TULP4: variants seen among roughly 807,000 people sequenced by gnomAD.
The protein encoded by TULP4 is TUB like protein 4, also known as tubby-related protein 4.
In TULP4, 16 loss-of-function variants were observed where a neutral mutation model predicts 129.0. The ratio of observed to expected loss-of-function variants is 0.12; its 90% CI spans 0.08 to 0.19. The LOEUF is 0.19. TULP4 is among the 10% of genes least tolerant of loss of function. TULP4 has a pLI of 1.00. For missense variants in TULP4, 1,842 were observed against 2,059.1 expected (o/e 0.89, Z 2.04); for synonymous variants, 998 against 854.0 (o/e 1.17, Z -2.94).
intron 1 of TULP4, among the ~76,000 whole-genome samples, chr6:158,354,266 A>G (rs571232055): frequency 3.3e-5 from 5 of 152,354 alleles, no homozygotes; most frequent in Admixed American, 3.3e-4. Flanking sequence ...TAATAAGGAT[A>G]GAAGCTAATA....
intron 3 of TULP4, among the ~76,000 whole-genome samples, chr6:158,443,934 T>G (rs1292176903): frequency 2.6e-5 from 4 of 152,014 alleles, no homozygotes; most frequent in Admixed American, 2.6e-4. Flanking sequence ...TTAAAAAATT[T>G]TTTGGCCGGG....
chr6:158,266,304 C>T (rs112368086), intron 1 of TULP4, among the ~76,000 whole-genome samples: 1,601 of 152,198 alleles, frequency 0.011, 27 homozygotes, highest in African/African-American at 0.036. Context: ...TTATCCAGGC[C>T]GGAGGGCGGT....
In TULP4 at chr6:158,506,445, G is replaced by A. The variant is rs1345427014; in HGVS notation, c.4516-133G>A. The stretch of plus-strand genomic sequence containing the variant: ...ACGGGGTTTCACCGTGTTAGCCAGG[G>A]TGGTCTCTATCTCCTGACGTCGTGA... On this transcript the variant is annotated intron_variant, in intron 13 of 13. Transcript: ENST00000367097. 1.2e-4 allele frequency: 83 copies of A among 714,760 alleles called. 1 individual carries two copies. Among genetic ancestry groups the A allele is most frequent in the Middle Eastern group, 3.2e-4 (1 of 3,154 alleles). The allele number at this position is 714,760 out of a possible 1,614,324, so 44.3% of individuals were successfully genotyped here. A position where few individuals can be genotyped will look rare whatever the true frequency, so the allele number is the denominator to read the frequency against.
intron 11 of TULP4, among the ~76,000 whole-genome samples, chr6:158,495,800 A>T (rs1393831766): frequency 6.6e-6 from 1 of 151,928 alleles, no homozygotes; most frequent in African/African-American, 2.4e-5. Context: ...AGATCACGCC[A>T]CTGCACTCCA....
In TULP4 at chr6:158,313,993, G is replaced by A. The variant is rs1178745920; in HGVS notation, c.-24G>A. 1 of 1,605,946 alleles carries A rather than the reference G, an allele frequency of 6.2e-7. No homozygotes were observed. The highest frequency in any genetic ancestry group is 2.2e-5 in the East Asian group (1 of 44,684). ...TCACAGCATTAACATTACTTTTTAA[G>A]TAAAACAGTTCATTGAAGAAAGTAT... On this transcript the variant is annotated 5_prime_UTR_variant, in exon 1 of 14. Coordinates refer to ENST00000367097, the MANE Select transcript of TULP4 (RefSeq NM_020245.5).
chr6:158,356,270 TA>T (rs1395962013), intron 1 of TULP4, among the ~76,000 whole-genome samples: 1 of 152,082 alleles, frequency 6.6e-6, no homozygotes, highest in Non-Finnish European at 1.5e-5. Flanking sequence ...GAAAGTGGCC[TA>T]GGGGGTCCCA....
chr6:158,271,149 CAAAAA>C (rs1220844247), intron 1 of TULP4, among the ~76,000 whole-genome samples: 1 of 78,984 alleles, frequency 1.3e-5, no homozygotes. Flanking sequence ...GACTCTGTCT[CAAAAA>C]AAAAAAAAAA....
At chr6:158,394,844 A>G (rs905576999) in intron 1 of TULP4, among the ~76,000 whole-genome samples, 1 of 150,044 alleles carries the variant, frequency 6.7e-6, no homozygotes, top group Non-Finnish European at 1.5e-5. Flanking sequence ...TAATTTATGA[A>G]GAAAAGAGAT....
intron 1 of TULP4, among the ~76,000 whole-genome samples, chr6:158,251,678 G>T (rs1183371050): frequency 1.3e-5 from 2 of 152,136 alleles, no homozygotes; most frequent in African/African-American, 4.8e-5. Flanking sequence ...CAGGTAAATG[G>T]GGCTTCAGGT....
At chr6:158,417,390 A>G (rs1333826692) in intron 2 of TULP4, among the ~76,000 whole-genome samples, 1 of 152,234 alleles carries the variant, frequency 6.6e-6, no homozygotes, top group East Asian at 1.9e-4. Context: ...AGCACCCAGA[A>G]TCTCATAAAT....
In TULP4 at chr6:158,506,836, G is replaced by C. The variant is rs1390505792; in HGVS notation, c.*142G>C. 1 of 632,934 alleles carries C rather than the reference G, an allele frequency of 1.6e-6. No homozygotes were observed. The highest frequency in any genetic ancestry group is 2.8e-6 in the Non-Finnish European group (1 of 356,614). 39.2% of individuals were successfully genotyped at this position (632,934 alleles called of 1,614,324 possible). On this transcript the variant is annotated 3_prime_UTR_variant, in exon 14 of 14. Coordinates refer to ENST00000367097, the MANE Select transcript of TULP4 (RefSeq NM_020245.5). ...CTGGAAAAGCCCGGCAGGCCCAGGA[G>C]AGGGCGCTGACCTGTGGTCGTCATT...
At position 158,313,931 on chromosome 6, in the gene TULP4, A is replaced by G. The variant is rs1779425350; in HGVS notation, c.-86A>G. The G allele has an allele frequency of 2.0e-6, 3 of 1,510,418 alleles. No homozygotes were observed. Among genetic ancestry groups the G allele is most frequent in the Non-Finnish European group, 2.7e-6 (3 of 1,126,222 alleles). 93.6% of individuals were successfully genotyped at this position (1,510,418 alleles called of 1,614,324 possible). The stretch of plus-strand genomic sequence containing the variant: ...AAAAAAGCAACGCAAGCCAACCACA[A>G]AAACACATATACCAATGAAAGAAAT... On this transcript the variant is annotated 5_prime_UTR_variant, in exon 1 of 14. Coordinates refer to ENST00000367097, the MANE Select transcript of TULP4 (RefSeq NM_020245.5).
chr6:158,471,514 C>T (rs1384757514), intron 6 of TULP4, among the ~76,000 whole-genome samples: 1 of 152,148 alleles, frequency 6.6e-6, no homozygotes, highest in East Asian at 1.9e-4. Flanking sequence ...CATAAAAAGA[C>T]ATGTTCAAGA....
At chr6:158,245,707 C>A (rs1778016722) in intron 1 of TULP4, among the ~76,000 whole-genome samples, 1 of 152,274 alleles carries the variant, frequency 6.6e-6, no homozygotes, top group African/African-American at 2.4e-5. Flanking sequence ...ACCTTCCTTG[C>A]ATGCAGCCAT....
At chr6:158,490,272 T>G (rs1780170725) in intron 9 of TULP4, among the ~76,000 whole-genome samples, 1 of 152,156 alleles carries the variant, frequency 6.6e-6, no homozygotes, top group Non-Finnish European at 1.5e-5. Context: ...GGCGGGTGCC[T>G]GTAGTCCCAG....
intron 1 of TULP4, among the ~76,000 whole-genome samples, chr6:158,285,800 G>T (rs1317804169): frequency 1.3e-5 from 2 of 152,172 alleles, no homozygotes; most frequent in African/African-American, 4.8e-5. Context: ...CCATCTGTTG[G>T]CCGAGGGTCA....
At chr6:158,294,369 A>T (rs1196416657) in intron 1 of TULP4, among the ~76,000 whole-genome samples, 3 of 152,048 alleles carry the variant, frequency 2.0e-5, no homozygotes, top group East Asian at 1.9e-4. Context: ...TCTCAAAAAA[A>T]AAAATAAAAA....
chr6:158,372,162 TG>T (rs1777086898), intron 1 of TULP4, among the ~76,000 whole-genome samples: 1 of 55,484 alleles, frequency 1.8e-5, no homozygotes, highest in East Asian at 6.7e-4. Flanking sequence ...CCATTCTATC[TG>T]CTTTTTTTTT....
intron 1 of TULP4, among the ~76,000 whole-genome samples, chr6:158,333,704 G>A (rs1341431727): frequency 6.6e-6 from 1 of 152,074 alleles, no homozygotes; most frequent in Non-Finnish European, 1.5e-5. Flanking sequence ...GAGCTGCATA[G>A]CCTAGAAATA....
Sources: gnomAD v4.1 joint callset for allele counts (sites outside exome capture counted in the v4.1 genomes callset) on GRCh38, gnomAD v4.1.1 for gene constraint, MANE v1.5 for transcripts, NCBI Gene and HGNC (gene_info 2026-07-23, HGNC 2026-07-21) for gene names.